Variants in ADGRG7 observed in about 807,000 individuals in gnomAD.
ADGRG7 encodes the protein adhesion G protein-coupled receptor G7.
A neutral mutation model predicts 88.6 loss-of-function variants in ADGRG7; 82 were observed. That is an observed-to-expected ratio of 0.93 (90% confidence interval 0.77 to 1.11). The LOEUF (loss-of-function observed/expected upper bound fraction) is 1.11. Among genes scored for constraint, ADGRG7 ranks in the 50% most tolerant of loss-of-function variants. The pLI, the probability that ADGRG7 is intolerant of heterozygous loss-of-function variation, is 0.00. For synonymous variants in ADGRG7, 381 were observed against 345.2 expected (o/e 1.10, Z -1.15); for missense variants, 945 against 953.4 (o/e 0.99, Z 0.12).
chr3:100,695,071 T>C lies in ADGRG7; in HGVS notation c.*70T>C. The C allele has an allele frequency of 6.8e-7, 1 of 1,476,754 alleles. No individual in the cohort carries two copies. The highest frequency in any genetic ancestry group is 1.3e-5 in the South Asian group (1 of 77,962). 91.5% of individuals were successfully genotyped at this position (1,476,754 alleles called of 1,614,324 possible). A position where few individuals can be genotyped will look rare whatever the true frequency, so the allele number is the denominator to read the frequency against. ...AGTTTTATCTGTTTCTCTCCTTTAT[T>C]TCCCAGTCCTCTCAGAAAGTCTTCC... On this transcript the variant is annotated 3_prime_UTR_variant, in exon 16 of 16. Coordinates refer to ENST00000273352, the MANE Select transcript of ADGRG7 (RefSeq NM_032787.3).
chr3:100,674,641 A>G (rs145296971), intron 15 of ADGRG7, among the ~76,000 whole-genome samples: 1 of 149,470 alleles, frequency 6.7e-6, no homozygotes, highest in Non-Finnish European at 1.5e-5. Context: ...GCAGTGGTGT[A>G]ACATCTGCTC....
intron 13 of ADGRG7, among the ~76,000 whole-genome samples, chr3:100,657,619 T>C (rs1486316827): frequency 6.6e-6 from 1 of 152,236 alleles, no homozygotes; most frequent in African/African-American, 2.4e-5. Flanking sequence ...GAAGCTTTCT[T>C]TCCCTATGTT....
At chr3:100,670,412 T>C (rs115291665) in intron 15 of ADGRG7, among the ~76,000 whole-genome samples, 112 of 152,336 alleles carry the variant, frequency 7.4e-4, no homozygotes, top group African/African-American at 2.5e-3. Flanking sequence ...ATTCGTCTGT[T>C]GATGGATACT....
chr3:100,629,426 T>A (rs1419002318), intron 1 of ADGRG7, among the ~76,000 whole-genome samples, 172 bp from the exon 2 acceptor site: 6 of 152,186 alleles, frequency 3.9e-5, no homozygotes, highest in South Asian at 2.1e-4. Context: ...GCATTGTACA[T>A]CTAGTGTAGA....
At chr3:100,663,599 T>A (rs1056393177) in intron 14 of ADGRG7, among the ~76,000 whole-genome samples, 4 of 152,018 alleles carry the variant, frequency 2.6e-5, no homozygotes, top group African/African-American at 7.2e-5. Flanking sequence ...GAAGATGTTC[T>A]ATTCAATATC....
chr3:100,637,541 G>A (rs16842455), intron 6 of ADGRG7, 139 bp downstream of exon 6: 6,850 of 635,016 alleles, frequency 0.011, 158 homozygotes, highest in African/African-American at 0.07. Context: ...GATAAGAGCT[G>A]TGACTTTCCA....
chr3:100,687,749 C>T (rs932980321), intron 15 of ADGRG7, among the ~76,000 whole-genome samples: 4 of 152,178 alleles, frequency 2.6e-5, no homozygotes, highest in Non-Finnish European at 5.9e-5. Context: ...GGTGGATAAG[C>T]TTTCTGATGT....
At position 100,645,732 on chromosome 3, in the gene ADGRG7, G is replaced by GA. The variant is rs573600111; in HGVS notation, c.947-202dup. Among the ~76,000 whole-genome samples, 266 of 146,292 alleles carry GA rather than the reference G, an allele frequency of 1.8e-3. 1 individual carries two copies. In the South Asian group the frequency reaches 0.02, roughly 11 times the overall value. ...TAGAAGGTAAGGAAACTGAAGCTCAGAAAAAAAAAAATTAATGTGGGTGGA... is the reference window on the plus strand; with the variant it reads ...TAGAAGGTAAGGAAACTGAAGCTCAGAAAAAAAAAAAATTAATGTGGGTGGA... On this transcript the variant is annotated intron_variant, in intron 8 of 15. Coordinates refer to ENST00000273352, the MANE Select transcript of ADGRG7 (RefSeq NM_032787.3).
chr3:100,691,397 G>A (rs1224769853), intron 15 of ADGRG7, among the ~76,000 whole-genome samples: 2 of 152,154 alleles, frequency 1.3e-5, no homozygotes, highest in Non-Finnish European at 2.9e-5. Context: ...GCACTCCCCA[G>A]TGAGATGAAC....
intron 11 of ADGRG7, among the ~76,000 whole-genome samples, chr3:100,650,627 A>C (rs1364845152): frequency 6.6e-6 from 1 of 152,174 alleles, no homozygotes. Context: ...TTAGTGTGAC[A>C]CAACAAGAAG....
chr3:100,672,511 A>G (rs748143010), intron 15 of ADGRG7, among the ~76,000 whole-genome samples: 1 of 152,190 alleles, frequency 6.6e-6, no homozygotes, highest in Non-Finnish European at 1.5e-5. Context: ...AACAGAGACA[A>G]TTTGACTTCC....
chr3:100,694,669 AGAGTGAAATAAAATGTCTTCCTT>A, intron 15 of ADGRG7, 52 bp from the exon 16 acceptor site: 3 of 1,353,910 alleles, frequency 2.2e-6, no homozygotes, highest in Non-Finnish European at 3.1e-6. Flanking sequence ...GTTGGGTGGC[AGAGTGAAATAAAATGTCTTCCTT>A]GATACTGTAT....
intron 1 of ADGRG7, among the ~76,000 whole-genome samples, chr3:100,620,965 T>C (rs1707303527): frequency 6.6e-6 from 1 of 152,130 alleles, no homozygotes; most frequent in Admixed American, 6.5e-5. Flanking sequence ...TCACAATATG[T>C]CAAACTTTTT....
At chr3:100,677,774 T>C (rs2094967606) in intron 15 of ADGRG7, among the ~76,000 whole-genome samples, 1 of 152,182 alleles carries the variant, frequency 6.6e-6, no homozygotes, top group East Asian at 1.9e-4. Context: ...AGGTTTCTAC[T>C]GAGAAAGCTG....
chr3:100,665,588 T>C (rs1334258297), intron 14 of ADGRG7: 1 of 364,016 alleles, frequency 2.7e-6, no homozygotes, highest in Non-Finnish European at 5.3e-6. Context: ...TCTTCCTATA[T>C]GAACGGTAGT....
intron 14 of ADGRG7, among the ~76,000 whole-genome samples, chr3:100,662,858 C>T (rs1438762246): frequency 2.6e-5 from 3 of 116,370 alleles, no homozygotes; most frequent in Middle Eastern, 5.5e-3. Flanking sequence ...GAGTTATTAT[C>T]GGGGGATGGC....
chr3:100,652,116 C>T lies in ADGRG7; in HGVS notation c.1379+2309C>T, dbSNP rs114952976. ...TTGATAAAATTAGATAAAAACTAGACTCTAATCTTACTTTTATATAAAAAG... is the reference window on the plus strand; with the variant it reads ...TTGATAAAATTAGATAAAAACTAGATTCTAATCTTACTTTTATATAAAAAG... On this transcript the variant is annotated intron_variant, in intron 11 of 15. Coordinates refer to ENST00000273352, the MANE Select transcript of ADGRG7 (RefSeq NM_032787.3). Among the ~76,000 whole-genome samples, 528 of 152,186 alleles carry T rather than the reference C, an allele frequency of 3.5e-3. 5 individuals are homozygous for T. The highest frequency in any genetic ancestry group is 5.1e-3 in the Non-Finnish European group (350 of 68,016).
Position 100,680,330 on chromosome 3 carries a change from T to A in ADGRG7, c.2136+11225T>A, listed in dbSNP as rs191350544. Among the ~76,000 whole-genome samples, 704 of 152,334 alleles carry A rather than the reference T, an allele frequency of 4.6e-3. 9 individuals carry two copies. The highest frequency in any genetic ancestry group is 0.016 in the African/African-American group (672 of 41,602). The stretch of plus-strand genomic sequence containing the variant: ...GATATATATGTTTTCATCCATTTGA[T>A]CTCAATCTATTTGTGCCTTTATATT... On this transcript the variant is annotated intron_variant, in intron 15 of 15. Transcript: ENST00000273352.
chr3:100,627,545 T>C (rs1236625597), intron 1 of ADGRG7, among the ~76,000 whole-genome samples: 1 of 152,200 alleles, frequency 6.6e-6, no homozygotes, highest in African/African-American at 2.4e-5. Context: ...AATGTCTTTG[T>C]CAGATTTTGG....
Sources: gnomAD v4.1 joint callset for allele counts (sites outside exome capture counted in the v4.1 genomes callset) on GRCh38, gnomAD v4.1.1 for gene constraint, MANE v1.5 for transcripts, NCBI Gene and HGNC (gene_info 2026-07-23, HGNC 2026-07-21) for gene names.